ORC1: variants seen among roughly 807,000 people sequenced by gnomAD.
ORC1 encodes the protein origin recognition complex subunit 1, also known as origin recognition complex, subunit 1 homolog.
In ORC1, 61 loss-of-function variants were observed where a neutral mutation model predicts 98.9. The ratio of observed to expected loss-of-function variants is 0.62; its 90% CI spans 0.50 to 0.76. ORC1 has a LOEUF of 0.76. Among genes scored for constraint, ORC1 ranks in the 30% least tolerant of loss-of-function variants. The probability of loss-of-function intolerance (pLI) is 0.00; values close to 1 mark genes in which losing one functional copy is unlikely to be tolerated. For synonymous variants in ORC1, 385 were observed against 406.9 expected, an observed-to-expected ratio of 0.95 and a Z score of 0.65; for missense variants, 979 against 1,072.2, an observed-to-expected ratio of 0.91 and a Z score of 1.21.
In ORC1 at chr1:52,402,328, A is replaced by T. The variant is rs1647752743; in HGVS notation, c.-5-100T>A. The T allele has an allele frequency of 3.5e-6, 3 of 863,508 alleles. No individual in the cohort carries two copies. The Admixed American group carries it at 5.8e-5, about 17-fold the overall frequency. The allele number at this position is 863,508 out of a possible 1,614,324, so 53.5% of individuals were successfully genotyped here. A position where few individuals can be genotyped will look rare whatever the true frequency, so the allele number is the denominator to read the frequency against. On this transcript the variant is annotated intron_variant, in intron 1 of 16. Transcript: ENST00000371568. ...AGTCCCTCCCTTCAAATGAGATCAGACTTATTTTCTGCCCCTGCTACACTC... is the reference window on the plus strand; with the variant it reads ...AGTCCCTCCCTTCAAATGAGATCAGTCTTATTTTCTGCCCCTGCTACACTC...
chr1:52,389,366 C>T, intron 6 of ORC1, 45 bp from the exon 7 acceptor site: 1 of 1,384,518 alleles, frequency 7.2e-7, no homozygotes, highest in South Asian at 1.2e-5. Flanking sequence ...TTTTGGATAC[C>T]AGAGTGTACA....
intron 14 of ORC1, among the ~76,000 whole-genome samples, chr1:52,378,773 C>A (rs915637445): frequency 6.6e-6 from 1 of 152,044 alleles, no homozygotes; most frequent in Non-Finnish European, 1.5e-5. Context: ...GTGGCTCACG[C>A]CTGTAATCCC....
At chr1:52,408,314 T>G (rs1230272382), upstream of ORC1, 1 of 603,144 alleles carries the variant, frequency 1.7e-6, no homozygotes, top group Non-Finnish European at 3.1e-6. Context: ...TTTATTCTAG[T>G]TTTACTGATG....
intron 13 of ORC1, among the ~76,000 whole-genome samples, chr1:52,382,122 G>A (rs1346962358): frequency 1.3e-5 from 2 of 152,022 alleles, no homozygotes; most frequent in Non-Finnish European, 2.9e-5. Context: ...GGGACTACTG[G>A]TGCCCACCAC....
Position 52,401,436 on chromosome 1 carries a change from C to G in ORC1, c.149G>C (p.Gly50Ala). 3 of 1,614,064 alleles carry G rather than the reference C, an allele frequency of 1.9e-6. No homozygotes were observed. The highest frequency in any genetic ancestry group is 1.7e-6 in the Non-Finnish European group (2 of 1,180,010). ...GCSTEIHIQI[G>A]QFVLIEGDDD... ...ATCCCCTTCAATCAACACAAACTGT[C>G]CAATCTGGATGTGAATCTCGGTGGA... The change falls in exon 3 of 17, where the codon GGA becomes GCA. Residue 50 changes from glycine to alanine, a missense_variant. Physicochemically the swap from Gly to Ala is moderately conservative, Grantham distance 60. Transcript: ENST00000371568.
chr1:52,401,575 T>A, intron 2 of ORC1, 86 bp from the exon 3 acceptor site: 4 of 1,491,478 alleles, frequency 2.7e-6, no homozygotes, highest in Non-Finnish European at 3.7e-6. Flanking sequence ...GAGAGGGCTC[T>A]CCAATCCTGA....
rs76966719 is a variant in ORC1, at chr1:52,401,433, T to C, written c.152A>G (p.Gln51Arg). ...CSTEIHIQIG[Q>R]FVLIEGDDDE... ...ATCATCCCCTTCAATCAACACAAAC[T>C]GTCCAATCTGGATGTGAATCTCGGT... Residue 51 changes from glutamine (Q) to arginine (R), a missense_variant, in exon 3 of 17, where the codon CAG (glutamine) becomes CGG (arginine). Gln to Arg is a conservative substitution (Grantham distance 43). Transcript: ENST00000371568. 1 of 1,614,084 alleles carries C rather than the reference T, an allele frequency of 6.2e-7. No homozygotes were observed. Among genetic ancestry groups the C allele is most frequent in the African/African-American group, 1.3e-5 (1 of 75,034 alleles).
chr1:52,405,923 A>G (rs1647974916), upstream of ORC1: 4 of 1,102,138 alleles, frequency 3.6e-6, no homozygotes, highest in South Asian at 4.1e-5. Flanking sequence ...GGTGTACACA[A>G]TGTATCTCAT....
intron 13 of ORC1, among the ~76,000 whole-genome samples, chr1:52,382,313 G>A (rs1259606075): frequency 6.6e-6 from 1 of 152,016 alleles, no homozygotes; most frequent in Non-Finnish European, 1.5e-5. Context: ...CACCACGCCC[G>A]GCCTAAGGAC....
At position 52,396,231 on chromosome 1, in the gene ORC1, G is replaced by C. The variant is rs765429873; in HGVS notation, c.536C>G (p.Pro179Arg). 6.2e-7 allele frequency: 1 copy of C among 1,613,984 alleles called. No individual in the cohort carries two copies. Among genetic ancestry groups the C allele is most frequent in the African/African-American group, 1.3e-5 (1 of 74,880 alleles). Residue 179 changes from proline (P) to arginine (R), a missense_variant, in exon 5 of 17, where the codon CCA becomes CGA. Coordinates refer to ENST00000371568, the MANE Select transcript of ORC1 (RefSeq NM_004153.4). ...SSELFAELNKPQESAAKCQKP... is the reference protein window; with the variant it reads ...SSELFAELNKRQESAAKCQKP... Reference sequence around the variant, plus strand: ...CTGGCACTTGGCTGCACTCTCTTGTGGTTTATTCAACTCCGCAAATAGTTC... The same window carrying C: ...CTGGCACTTGGCTGCACTCTCTTGTCGTTTATTCAACTCCGCAAATAGTTC...
At chr1:52,404,598 C>G (rs1031795398), upstream of ORC1, 14 of 761,702 alleles carry the variant, frequency 1.8e-5, no homozygotes, top group East Asian at 3.9e-4. Context: ...AGCGGAAGCC[C>G]TTTACACTAC....
chr1:52,392,169 G>A (rs1169349365), intron 6 of ORC1, among the ~76,000 whole-genome samples: 2 of 150,598 alleles, frequency 1.3e-5, no homozygotes, highest in East Asian at 2.0e-4. Flanking sequence ...TCTCGCTGTC[G>A]CCCAGGCTGG....
chr1:52,386,503 G>A (rs1647145053), intron 8 of ORC1, among the ~76,000 whole-genome samples: 1 of 152,130 alleles, frequency 6.6e-6, no homozygotes, highest in African/African-American at 2.4e-5. Flanking sequence ...CTTGCTCATG[G>A]CTTGCTAGAA....
At chr1:52,380,561 G>A (rs1031312491) in intron 14 of ORC1, among the ~76,000 whole-genome samples, 7 of 152,254 alleles carry the variant, frequency 4.6e-5, no homozygotes, top group African/African-American at 1.7e-4. Context: ...TGGGCATGGT[G>A]GCACACGCCT....
chr1:52,376,046 C>T (rs1316433097), intron 14 of ORC1, among the ~76,000 whole-genome samples: 1 of 152,152 alleles, frequency 6.6e-6, no homozygotes, highest in African/African-American at 2.4e-5. Context: ...TTGGGGTCGG[C>T]TTGGTCAATG....
chr1:52,402,366 G>C (rs1172984804), intron 1 of ORC1, 138 bp from the exon 2 acceptor site: 8 of 716,310 alleles, frequency 1.1e-5, no homozygotes, highest in African/African-American at 1.8e-5. Context: ...ATACATTTTA[G>C]ACTAAGAAAA....
Position 52,385,253 on chromosome 1 carries a change from A to T in ORC1, c.1491T>A (p.Val497=). Residue 497 remains valine, a synonymous_variant, in exon 10 of 17, where the codon GTT becomes GTA. Transcript: ENST00000371568. ...VLEEARLRLH[V]SAVPESLPCR... ...AGGGAAGAGACTCAGGTACAGCAGA[A>T]ACATGCAGCCTACCATTGGTGGTAA... The T allele has an allele frequency of 6.2e-7, 1 of 1,610,986 alleles. No homozygotes were observed.
intron 5 of ORC1, among the ~76,000 whole-genome samples, chr1:52,395,161 A>G (rs1438876582): frequency 6.6e-6 from 1 of 152,188 alleles, no homozygotes; most frequent in Non-Finnish European, 1.5e-5. Context: ...AGCTCTCAGA[A>G]AGGCTGTGGG....
Position 52,388,499 on chromosome 1 carries a change from G to A in ORC1, c.1326C>T (p.Asn442=). Residue 442 remains asparagine, a synonymous_variant, in exon 8 of 17, where the codon AAC becomes AAT. Transcript: ENST00000371568. ...PRRAPRTVSR[N]LRSSLKSSLH... is the part of the protein sequence containing the mutation. ...AGGATGACTTCAAGGAAGATCGCAG[G>A]TTCCTGGACACAGTTCTGGGTGCTC... is the stretch of plus-strand genomic sequence containing the variant. The A allele has an allele frequency of 6.2e-7, 1 of 1,614,178 alleles. No individual in the cohort carries two copies. The highest frequency in any genetic ancestry group is 8.5e-7 in the Non-Finnish European group (1 of 1,180,020).
Sources: gnomAD v4.1 joint callset for allele counts (sites outside exome capture counted in the v4.1 genomes callset) on GRCh38, gnomAD v4.1.1 for gene constraint, MANE v1.5 for transcripts, NCBI Gene and HGNC (gene_info 2026-07-23, HGNC 2026-07-21) for gene names.